The following WEE1 variants were observed in gnomAD, a reference collection of about 807,000 sequenced individuals.
The protein encoded by WEE1 is WEE1 G2 checkpoint kinase.
In WEE1, 16 loss-of-function variants were observed where a neutral mutation model predicts 68.8. That is an observed-to-expected ratio of 0.23 (90% CI 0.16 to 0.35). The LOEUF is 0.35. Ranked by LOEUF, WEE1 falls within the 10% of genes least tolerant of loss-of-function variation. The probability of loss-of-function intolerance (pLI) is 1.00; values close to 1 mark genes in which losing one functional copy is unlikely to be tolerated. For synonymous variants in WEE1, 349 were observed against 318.7 expected (o/e 1.09, Z -1.01); for missense variants, 651 against 824.1 (o/e 0.79, Z 2.57).
chr11:9,587,597 T>C lies in WEE1; in HGVS notation c.1787+741T>C, dbSNP rs77845430. ...TGTTTTTAATTTCTGGCTAAATCTT[T>C]ATATACTGAATGAAGATTCTCATAT... On this transcript the variant is annotated intron_variant, in intron 10 of 10. Coordinates refer to ENST00000450114, the MANE Select transcript of WEE1 (RefSeq NM_003390.4). 2.9e-3 allele frequency among the ~76,000 whole-genome samples: 438 copies of C among 152,324 alleles called. 3 individuals carry two copies. Among genetic ancestry groups the C allele is most frequent in the Middle Eastern group, 6.8e-3 (2 of 294 alleles).
At chr11:9,578,056 T>C (rs1371937066) in intron 5 of WEE1, 1 of 349,196 alleles carries the variant, frequency 2.9e-6, no homozygotes, top group East Asian at 8.0e-5. Flanking sequence ...AGTGTGATGA[T>C]TGGGTTTTCA....
chr11:9,579,235 T>G (rs553204774), intron 5 of WEE1: 1 of 152,366 alleles, frequency 6.6e-6, no homozygotes, highest in South Asian at 2.1e-4. Context: ...GTGTGGCTAT[T>G]TGTCCTACTT....
At chr11:9,578,124 G>A (rs543014520) in intron 5 of WEE1, 12 of 283,750 alleles carry the variant, frequency 4.2e-5, no homozygotes, top group African/African-American at 2.7e-4. Context: ...CACATTACCA[G>A]TCTGAAATGA....
At chr11:9,583,822 TATATATATA>T (rs1565090157) in intron 6 of WEE1, among the ~76,000 whole-genome samples, 1 of 34,510 alleles carries the variant, frequency 2.9e-5, no homozygotes, top group East Asian at 4.3e-4. Context: ...TATATATATA[TATATATATA>T]TATATATATA....
intron 5 of WEE1, chr11:9,581,293 T>G (rs12799030): frequency 0.16 from 62,232 of 398,578 alleles, 5,248 homozygotes; most frequent in East Asian, 0.25. Flanking sequence ...AAGAAACAGG[T>G]GGATTGCTGA....
chr11:9,583,753 ACGCGCGCG>A (rs368149320), intron 6 of WEE1, among the ~76,000 whole-genome samples: 4 of 96,926 alleles, frequency 4.1e-5, no homozygotes, highest in Non-Finnish European at 7.8e-5. Flanking sequence ...GTGTGCGTGC[ACGCGCGCG>A]CACACACACA....
chr11:9,581,447 G>C, intron 5 of WEE1, 85 bp from the exon 6 acceptor site: 1 of 1,277,204 alleles, frequency 7.8e-7, no homozygotes, highest in Non-Finnish European at 1.1e-6. Context: ...GGTTGAGATT[G>C]GTTGGTTGAG....
intron 10 of WEE1, among the ~76,000 whole-genome samples, chr11:9,588,030 A>T (rs983356318): frequency 2.0e-5 from 3 of 151,852 alleles, no homozygotes; most frequent in Admixed American, 6.6e-5. Flanking sequence ...TTATTTATTT[A>T]AAAAGATGGG....
chr11:9,577,368 T>C lies in WEE1; in HGVS notation c.1141+105T>C. On this transcript the variant is annotated intron_variant, in intron 5 of 10. Coordinates refer to ENST00000450114, the MANE Select transcript of WEE1 (RefSeq NM_003390.4). Reference sequence around the variant, plus strand: ...CTATTTCTGTCACTTTTATCTTTTATAAATTTAAAGATCAGAGACCTAACA... The same window carrying C: ...CTATTTCTGTCACTTTTATCTTTTACAAATTTAAAGATCAGAGACCTAACA... The C allele has an allele frequency of 2.1e-6, 3 of 1,400,320 alleles. No homozygotes were observed. The East Asian group carries it at 7.0e-5, about 33-fold the overall frequency. 86.7% of individuals were successfully genotyped at this position (1,400,320 alleles called of 1,614,324 possible).
rs148276875 is a variant in WEE1 at position 9,577,925 on chromosome 11, C to T, written c.1141+662C>T. 3.9e-3 allele frequency: 1,770 copies of T among 455,672 alleles called. 13 individuals are homozygous for T. The highest frequency in any genetic ancestry group is 0.014 in the Middle Eastern group (44 of 3,074). The allele number at this position is 455,672 out of a possible 1,614,324, so 28.2% of individuals were successfully genotyped here. On this transcript the variant is annotated intron_variant, in intron 5 of 10. Coordinates refer to ENST00000450114, the MANE Select transcript of WEE1 (RefSeq NM_003390.4). Reference sequence around the variant, plus strand: ...GTCCTTCAAGGGCCGACTTATGTCTCTCCTTTTCTATTAAAAACCTTTACC... The same window carrying T: ...GTCCTTCAAGGGCCGACTTATGTCTTTCCTTTTCTATTAAAAACCTTTACC...
chr11:9,576,235 G>C lies in WEE1; in HGVS notation c.788G>C (p.Cys263Ser). ...RRKRTYWNDS[C>S]GEDMEASDYE... ...AAAAATAACATTTTTTTTAGTTCCT[G>C]TGGTGAAGACATGGAAGCCAGTGAT... The change falls in exon 3 of 11, where the codon TGT becomes TCT. Residue 263 changes from cysteine to serine, a missense_variant. This residue lies in a region of WEE1 where 395 missense variants were observed against 378.4 expected (regional missense o/e 1.04). Transcript: ENST00000450114. The surrounding 1 kb of genome is among the most constrained non-coding windows in gnomAD (Gnocchi z 4.3). 6.5e-7 allele frequency: 1 copy of C among 1,527,542 alleles called. No individual in the cohort carries two copies. The highest frequency in any genetic ancestry group is 8.9e-7 in the Non-Finnish European group (1 of 1,124,206). The allele number at this position is 1,527,542 out of a possible 1,614,324, so 94.6% of individuals were successfully genotyped here.
intron 6 of WEE1, 41 bp downstream of exon 6, chr11:9,581,719 A>T (rs1463815593): frequency 1.0e-5 from 16 of 1,556,086 alleles, no homozygotes; most frequent in Non-Finnish European, 1.4e-5. Context: ...CTTTGGGGTT[A>T]TAGAGAATAA....
rs1387770972 is a variant in WEE1 at position 9,588,550 on chromosome 11, C to G, written c.1889C>G (p.Ser630Cys). Residue 630 changes from serine (S) to cysteine (C), a missense_variant, in exon 11 of 11, where the codon TCT becomes TGT. Ser to Cys is a moderately radical substitution (Grantham distance 112). Transcript: ENST00000450114. ...TRSTTQSNRT[S>C]RLIGKKMNRS... ...TCCACCACCCAGAGTAATAGAACAT[C>G]TCGACTTATTGGAAAGAAAATGAAC... 6.2e-7 allele frequency: 1 copy of G among 1,610,988 alleles called. No homozygotes were observed. Among genetic ancestry groups the G allele is most frequent in the African/African-American group, 1.3e-5 (1 of 74,712 alleles).
At chr11:9,585,069 A>G in intron 6 of WEE1, 189 bp from the exon 7 acceptor site, 1 of 576,192 alleles carries the variant, frequency 1.7e-6, no homozygotes, top group Non-Finnish European at 3.0e-6. Context: ...TCTCAAAAAA[A>G]AACAAAAAAA....
intron 6 of WEE1, among the ~76,000 whole-genome samples, chr11:9,583,886 C>T (rs1297961055): frequency 1.4e-5 from 2 of 142,564 alleles, no homozygotes; most frequent in Non-Finnish European, 3.0e-5. Context: ...TGCTCTGTTG[C>T]CCAGGCTGGA....
chr11:9,585,356 A>G lies in WEE1; in HGVS notation c.1384+3A>G, dbSNP rs775081501. 104 of 1,613,000 alleles carry G rather than the reference A, an allele frequency of 6.4e-5. No homozygotes were observed. The highest frequency in any genetic ancestry group is 8.8e-5 in the Non-Finnish European group (104 of 1,179,328). On this transcript the variant is annotated splice_donor_region_variant and intron_variant, in intron 7 of 10. Coordinates refer to ENST00000450114, the MANE Select transcript of WEE1 (RefSeq NM_003390.4). Reference sequence around the variant, plus strand: ...CAACAAAGTTATGTTTAAAATAGGTAAGAAAGGTAATCAGATTATTACCTT... The same window carrying G: ...CAACAAAGTTATGTTTAAAATAGGTGAGAAAGGTAATCAGATTATTACCTT...
At chr11:9,577,367 A>G in intron 5 of WEE1, 104 bp downstream of exon 5, 6 of 1,409,040 alleles carry the variant, frequency 4.3e-6, no homozygotes, top group Non-Finnish European at 5.8e-6. Context: ...TTTATCTTTT[A>G]TAAATTTAAA....
Position 9,589,228 on chromosome 11 carries a change from A to G in WEE1, c.*626A>G, listed in dbSNP as rs1009767335. On this transcript the variant is annotated 3_prime_UTR_variant, in exon 11 of 11. Transcript: ENST00000450114. ...GTTAATAGGTCTTCTTTTTGAAACAATTATGTGAAATGTATAGCTGCTTTT... is the reference window on the plus strand; with the variant it reads ...GTTAATAGGTCTTCTTTTTGAAACAGTTATGTGAAATGTATAGCTGCTTTT... 1 of 985,098 alleles carries G rather than the reference A, an allele frequency of 1.0e-6. No individual in the cohort carries two copies. The highest frequency in any genetic ancestry group is 1.2e-6 in the Non-Finnish European group (1 of 829,808). 61.0% of individuals were successfully genotyped at this position (985,098 alleles called of 1,614,324 possible). A position where few individuals can be genotyped will look rare whatever the true frequency, so the allele number is the denominator to read the frequency against.
In WEE1 at chr11:9,589,038, CT is replaced by C. The variant is rs139009920; in HGVS notation, c.*446del. ...GTACCTGTGTGTCCATCTTATATTT[CT>C]TTTTTTTTTAATTGTGAATTAGACT... On this transcript the variant is annotated 3_prime_UTR_variant, in exon 11 of 11. Transcript: ENST00000450114. 2,256 of 937,034 alleles carry C rather than the reference CT, an allele frequency of 2.4e-3. 3 individuals are homozygous for C. Among genetic ancestry groups the C allele is most frequent in the Non-Finnish European group, 2.6e-3 (2,045 of 787,484 alleles). 58.0% of individuals were successfully genotyped at this position (937,034 alleles called of 1,614,324 possible).
Sources: allele counts gnomAD v4.1 joint callset (sites outside exome capture counted in the v4.1 genomes callset), GRCh38; gene constraint gnomAD v4.1.1; regional missense constraint gnomAD v4.1.1; non-coding constraint Gnocchi (gnomAD v3.1); transcripts MANE v1.5; gene names NCBI Gene and HGNC (gene_info 2026-07-23, HGNC 2026-07-21).